SEMA5A: variants seen among roughly 807,000 people sequenced by gnomAD.
The protein encoded by SEMA5A is semaphorin 5A.
In SEMA5A, 55 loss-of-function variants were observed where a neutral mutation model predicts 135.5. The ratio of observed to expected loss-of-function variants is 0.41; its 90% CI spans 0.33 to 0.51. The LOEUF is 0.51. Ranked by LOEUF, SEMA5A falls within the 20% of genes least tolerant of loss-of-function variation. The probability of loss-of-function intolerance (pLI) is 0.37; values close to 1 mark genes in which losing one functional copy is unlikely to be tolerated. For missense variants in SEMA5A, 1,290 were observed against 1,419.9 expected (o/e 0.91, Z 1.47); for synonymous variants, 580 against 546.5 (o/e 1.06, Z -0.85).
At chr5:9,221,457 C>T (rs556898960) in intron 8 of SEMA5A, among the ~76,000 whole-genome samples, 124 of 151,818 alleles carry the variant, frequency 8.2e-4, no homozygotes, top group African/African-American at 1.8e-3. Context: ...CGCCCACCAC[C>T]ACGCCCGGCT....
intron 16 of SEMA5A, among the ~76,000 whole-genome samples, chr5:9,095,981 C>G (rs539721325): frequency 3.3e-5 from 5 of 152,136 alleles, no homozygotes; most frequent in Non-Finnish European, 7.4e-5. Flanking sequence ...CATGGGAAAG[C>G]AGGTGCTTTA....
intron 1 of SEMA5A, among the ~76,000 whole-genome samples, chr5:9,538,767 A>G (rs931264049): frequency 2.0e-5 from 3 of 152,196 alleles, no homozygotes; most frequent in African/African-American, 7.2e-5. Flanking sequence ...CCAGGAAGAA[A>G]GTGTTTCAGT....
At chr5:9,200,526 C>T (rs1218040060) in intron 9 of SEMA5A, among the ~76,000 whole-genome samples, 1 of 152,148 alleles carries the variant, frequency 6.6e-6, no homozygotes, top group Admixed American at 6.5e-5. Context: ...ACTTCAGAAA[C>T]TGTAAATTGA....
At chr5:9,214,511 C>T (rs979689312) in intron 8 of SEMA5A, among the ~76,000 whole-genome samples, 15 of 152,208 alleles carry the variant, frequency 9.9e-5, no homozygotes, top group African/African-American at 3.6e-4. Context: ...TTGCTAAAGG[C>T]AGGTTTTTAG....
intron 11 of SEMA5A, 47 bp downstream of exon 11, chr5:9,190,220 A>G: frequency 6.3e-7 from 1 of 1,576,376 alleles, no homozygotes; most frequent in Non-Finnish European, 8.7e-7. Flanking sequence ...TAAAACACAA[A>G]ATCAGAAGAT....
intron 15 of SEMA5A, among the ~76,000 whole-genome samples, chr5:9,109,634 T>A (rs1740135391): frequency 6.6e-6 from 1 of 152,188 alleles, no homozygotes; most frequent in African/African-American, 2.4e-5. Context: ...GGTTCCCATC[T>A]GCTGGTGTAA....
intron 11 of SEMA5A, among the ~76,000 whole-genome samples, chr5:9,164,211 A>G (rs1440018009): frequency 7.1e-6 from 1 of 141,584 alleles, no homozygotes; most frequent in African/African-American, 2.6e-5. Context: ...TATAATTTAT[A>G]TAATTATAAA....
At chr5:9,171,073 G>C (rs1743895084) in intron 11 of SEMA5A, among the ~76,000 whole-genome samples, 1 of 152,200 alleles carries the variant, frequency 6.6e-6, no homozygotes, top group Admixed American at 6.5e-5. Flanking sequence ...AGGGGTGAGA[G>C]TGAAAAACTA....
intron 1 of SEMA5A, among the ~76,000 whole-genome samples, chr5:9,469,183 A>G (rs539820124): frequency 1.3e-5 from 2 of 151,978 alleles, no homozygotes; most frequent in Admixed American, 6.6e-5. Context: ...TAATCTTTGT[A>G]TTTTTAGTAG....
chr5:9,474,514 A>G (rs1258006526), intron 1 of SEMA5A, among the ~76,000 whole-genome samples: 1 of 151,988 alleles, frequency 6.6e-6, no homozygotes, highest in Non-Finnish European at 1.5e-5. Context: ...GCATTCTGGT[A>G]TTTCATCTGA....
chr5:9,109,715 A>G (rs1326294671), intron 15 of SEMA5A, among the ~76,000 whole-genome samples: 1 of 152,218 alleles, frequency 6.6e-6, no homozygotes, highest in African/African-American at 2.4e-5. Flanking sequence ...CAGGAATTGC[A>G]GAAGGCTTCC....
chr5:9,046,890 C>G (rs188973821), intron 21 of SEMA5A, among the ~76,000 whole-genome samples: 1 of 152,182 alleles, frequency 6.6e-6, no homozygotes, highest in African/African-American at 2.4e-5. Flanking sequence ...ATGCAGTTCC[C>G]AGCACAGTCC....
At chr5:9,208,141 T>C (rs1746149109) in intron 8 of SEMA5A, among the ~76,000 whole-genome samples, 1 of 152,236 alleles carries the variant, frequency 6.6e-6, no homozygotes, top group Admixed American at 6.5e-5. Context: ...ACTTTGCTGG[T>C]AATCATCAAA....
At chr5:9,271,808 G>A (rs1749988110) in intron 5 of SEMA5A, among the ~76,000 whole-genome samples, 1 of 152,160 alleles carries the variant, frequency 6.6e-6, no homozygotes, top group Admixed American at 6.5e-5. Flanking sequence ...GAAGCCATTA[G>A]GGATTGTACC....
At chr5:9,043,183 G>C in intron 22 of SEMA5A, 167 bp from the exon 23 acceptor site, 1 of 604,162 alleles carries the variant, frequency 1.7e-6, no homozygotes, top group Non-Finnish European at 2.7e-6. Flanking sequence ...GCCCCATGGA[G>C]GACTTGCCTA....
intron 1 of SEMA5A, among the ~76,000 whole-genome samples, chr5:9,457,259 AG>A (rs1434264280): frequency 2.6e-5 from 4 of 152,358 alleles, no homozygotes; most frequent in African/African-American, 7.2e-5. Context: ...ACTTCTCAAA[AG>A]CTCCTCAGAG....
At chr5:9,107,528 C>T (rs1232769901) in intron 16 of SEMA5A, among the ~76,000 whole-genome samples, 2 of 152,190 alleles carry the variant, frequency 1.3e-5, no homozygotes, top group East Asian at 1.9e-4. Context: ...TTCCGTGTCC[C>T]AAACCGAATA....
chr5:9,421,171 T>C (rs982073473), intron 2 of SEMA5A, among the ~76,000 whole-genome samples: 3 of 152,226 alleles, frequency 2.0e-5, no homozygotes, highest in African/African-American at 7.2e-5. Flanking sequence ...TTCTGTATCT[T>C]CCTCCATGTT....
intron 2 of SEMA5A, among the ~76,000 whole-genome samples, chr5:9,384,675 T>TATAGATAGATAGATATAGATAGATAG (rs1755802898): frequency 1.6e-5 from 1 of 64,174 alleles, no homozygotes; most frequent in Admixed American, 1.6e-4. Context: ...GATAGATAGA[T>TATAGATAGATAGATATAGATAGATAG]ATAGATAGAT....
Sources: allele counts gnomAD v4.1 joint callset (sites outside exome capture counted in the v4.1 genomes callset), GRCh38; gene constraint gnomAD v4.1.1; transcripts MANE v1.5; gene names NCBI Gene and HGNC (gene_info 2026-07-23, HGNC 2026-07-21).